The following CPA6 variants were observed in gnomAD, a reference collection of about 807,000 sequenced individuals.
CPA6 encodes the protein carboxypeptidase A6, also known as carboxypeptidase B.
Under a neutral mutation model 63.3 loss-of-function variants are expected in CPA6, and 58 were observed. The ratio of observed to expected loss-of-function variants is 0.92; its 90% CI spans 0.74 to 1.14. The LOEUF is 1.14. CPA6 is among the 50% of genes most tolerant of loss of function. The pLI is 0.00. For synonymous variants in CPA6, 185 were observed against 179.0 expected (o/e 1.03, Z -0.27); for missense variants, 565 against 526.6 (o/e 1.07, Z -0.71).
chr8:67,473,327 A>T lies in CPA6; in HGVS notation c.838+10441T>A, dbSNP rs531698755. Among the ~76,000 whole-genome samples, 13 of 152,216 alleles carry T rather than the reference A, an allele frequency of 8.5e-5. 1 individual carries two copies. The highest frequency in any genetic ancestry group is 7.9e-4 in the Admixed American group (12 of 15,282). On this transcript the variant is annotated intron_variant, in intron 8 of 10. Coordinates refer to ENST00000297770, the MANE Select transcript of CPA6 (RefSeq NM_020361.5). ...CCCAGTTGAGTAGTGCTAAGGAGGGAGATAATAGCTGACTAATATTTCTAG... is the reference window on the plus strand; with the variant it reads ...CCCAGTTGAGTAGTGCTAAGGAGGGTGATAATAGCTGACTAATATTTCTAG...
intron 3 of CPA6, among the ~76,000 whole-genome samples, chr8:67,517,105 C>A (rs1410243584): frequency 1.3e-5 from 2 of 150,910 alleles, no homozygotes; most frequent in African/African-American, 5.0e-5. Context: ...CCCACCTGCT[C>A]TTTTCTTACT....
intron 8 of CPA6, among the ~76,000 whole-genome samples, chr8:67,481,504 C>A (rs1282124673): frequency 6.6e-6 from 1 of 152,206 alleles, no homozygotes; most frequent in Non-Finnish European, 1.5e-5. Context: ...CATGCACGCA[C>A]TAAAGCATAA....
intron 2 of CPA6, among the ~76,000 whole-genome samples, chr8:67,623,407 TTTTC>T (rs991691385): frequency 3.3e-5 from 5 of 151,936 alleles, no homozygotes; most frequent in South Asian, 2.1e-4. Flanking sequence ...AGATAGAAAA[TTTTC>T]TTTTTTTTTT....
intron 8 of CPA6, among the ~76,000 whole-genome samples, chr8:67,467,629 G>A (rs2128958184): frequency 6.6e-6 from 1 of 152,124 alleles, no homozygotes; most frequent in South Asian, 2.1e-4. Flanking sequence ...ATGGCTTATG[G>A]TCCTGCTGTA....
intron 9 of CPA6, among the ~76,000 whole-genome samples, chr8:67,433,572 A>C (rs1057493082): frequency 2.6e-5 from 4 of 152,246 alleles, no homozygotes; most frequent in African/African-American, 9.6e-5. Flanking sequence ...AATGAGAATC[A>C]ATCTATAATT....
intron 1 of CPA6, among the ~76,000 whole-genome samples, chr8:67,733,196 C>CAAAAAAAAAAAAAAAAAAA (rs1211323183): frequency 2.0e-4 from 3 of 14,896 alleles, no homozygotes; most frequent in African/African-American, 4.2e-4. Flanking sequence ...GACTCCATCT[C>CAAAAAAAAAAAAAAAAAAA]AAAAAAAAAA....
chr8:67,542,649 T>C (rs937289170), intron 2 of CPA6, among the ~76,000 whole-genome samples: 9 of 152,188 alleles, frequency 5.9e-5, no homozygotes, highest in African/African-American at 2.2e-4. Context: ...GGATATCAAA[T>C]TTGCATTGGT....
At chr8:67,642,161 T>G (rs781129120) in intron 1 of CPA6, among the ~76,000 whole-genome samples, 116 of 152,166 alleles carry the variant, frequency 7.6e-4, no homozygotes, top group Admixed American at 3.7e-3. Flanking sequence ...GTACTAAAAA[T>G]ACAAGAATTA....
At chr8:67,599,388 A>G (rs1814433570) in intron 2 of CPA6, among the ~76,000 whole-genome samples, 1 of 152,240 alleles carries the variant, frequency 6.6e-6, no homozygotes, top group South Asian at 2.1e-4. Context: ...GCTTTGCTTC[A>G]TGCCTCCCTG....
intron 2 of CPA6, among the ~76,000 whole-genome samples, chr8:67,545,309 T>A (rs939576354): frequency 3.9e-5 from 6 of 152,100 alleles, no homozygotes; most frequent in Admixed American, 6.6e-5. Flanking sequence ...TTTCTTTGAG[T>A]CAAGAGATTT....
intron 8 of CPA6, among the ~76,000 whole-genome samples, chr8:67,466,121 T>C (rs1407467108): frequency 1.4e-5 from 2 of 147,846 alleles, no homozygotes; most frequent in Admixed American, 1.4e-4. Context: ...TTTTAATTAC[T>C]GCTTCAAGTT....
intron 2 of CPA6, among the ~76,000 whole-genome samples, chr8:67,607,971 C>G (rs34157907): frequency 0.15 from 22,640 of 152,102 alleles, 2,149 homozygotes; most frequent in East Asian, 0.43. Context: ...GAGTGGGCAG[C>G]TTTCCTCTAT....
intron 6 of CPA6, among the ~76,000 whole-genome samples, chr8:67,485,721 A>G (rs1811463875): frequency 6.6e-6 from 1 of 152,222 alleles, no homozygotes; most frequent in African/African-American, 2.4e-5. Context: ...ATAGCCAGGA[A>G]TGGATTTGTT....
At chr8:67,629,457 G>A (rs997403670) in intron 1 of CPA6, among the ~76,000 whole-genome samples, 3 of 136,658 alleles carry the variant, frequency 2.2e-5, no homozygotes, top group Non-Finnish European at 3.0e-5. Context: ...TCCAGCCTGG[G>A]TGACATAATG....
intron 1 of CPA6, among the ~76,000 whole-genome samples, chr8:67,710,856 C>A (rs748882627): frequency 1.3e-5 from 2 of 152,134 alleles, no homozygotes; most frequent in Non-Finnish European, 2.9e-5. Flanking sequence ...TTCAAGATTA[C>A]TTTCCTTTTC....
chr8:67,654,184 G>T (rs1418758005), intron 1 of CPA6, among the ~76,000 whole-genome samples: 1 of 152,190 alleles, frequency 6.6e-6, no homozygotes, highest in Non-Finnish European at 1.5e-5. Flanking sequence ...GTTCATCAAG[G>T]ATATTGGTCT....
At chr8:67,461,018 G>T (rs1345400567) in intron 8 of CPA6, among the ~76,000 whole-genome samples, 3 of 151,346 alleles carry the variant, frequency 2.0e-5, no homozygotes, top group Non-Finnish European at 4.4e-5. Context: ...GAGGCGTGAG[G>T]AATGGTGGTG....
At chr8:67,605,057 C>A (rs550481709) in intron 2 of CPA6, among the ~76,000 whole-genome samples, 80 of 150,218 alleles carry the variant, frequency 5.3e-4, no homozygotes, top group African/African-American at 1.8e-3. Context: ...GGATTACAGC[C>A]ATGAGCCACT....
intron 3 of CPA6, among the ~76,000 whole-genome samples, chr8:67,515,563 G>A (rs1222455359): frequency 6.6e-6 from 1 of 152,140 alleles, no homozygotes; most frequent in Non-Finnish European, 1.5e-5. Context: ...GAATCTTCTC[G>A]CTTCCAGGGA....
Sources: gnomAD v4.1 joint callset for allele counts (sites outside exome capture counted in the v4.1 genomes callset) on GRCh38, gnomAD v4.1.1 for gene constraint, MANE v1.5 for transcripts, NCBI Gene and HGNC (gene_info 2026-07-23, HGNC 2026-07-21) for gene names.